Variants in GABRB2 observed in about 807,000 individuals in gnomAD.
GABRB2 encodes the protein gamma-aminobutyric acid type A receptor subunit beta2.
In GABRB2, 16 loss-of-function variants were observed where a neutral mutation model predicts 54.7. That is an observed-to-expected ratio of 0.29 (90% confidence interval 0.20 to 0.44). GABRB2 has a LOEUF of 0.44. GABRB2 is among the 20% of genes least tolerant of loss of function. GABRB2 has a pLI of 1.00. For missense variants in GABRB2, 355 were observed against 644.0 expected, an observed-to-expected ratio of 0.55 and a Z score of 4.86; for synonymous variants, 244 against 233.8, an observed-to-expected ratio of 1.04 and a Z score of -0.40.
chr5:161,294,186 G>A lies in GABRB2; in HGVS notation c.1434C>T (p.Ile478=), dbSNP rs754964208. ...RRRASQLKIT[I]PDLTDVNAID... is the part of the protein sequence containing the mutation. ...TGGCATTCACATCAGTCAAGTCAGG[G>A]ATGGTGATTTTCAGTTGGGAGGCGC... Residue 478 remains isoleucine, a synonymous_variant, in exon 10 of 10, where the codon ATC becomes ATT. Coordinates refer to ENST00000393959, the MANE Select transcript of GABRB2 (RefSeq NM_001371727.1). The A allele has an allele frequency of 2.2e-5, 36 of 1,614,042 alleles. No homozygotes were observed. The highest frequency in any genetic ancestry group is 2.9e-5 in the Non-Finnish European group (34 of 1,180,012).
At position 161,288,654 on chromosome 5, in the gene GABRB2, CTG is replaced by C. The variant is rs1757150592; in HGVS notation, c.*5425_*5426del. 6.6e-6 allele frequency: 1 copy of C among 152,364 alleles called. No individual in the cohort carries two copies. The highest frequency in any genetic ancestry group is 6.6e-5 in the Admixed American group (1 of 15,244). The allele number at this position is 152,364 out of a possible 1,614,324, so 9.4% of individuals were successfully genotyped here. ...ATGAAAATAGATGCAATGATATCCA[CTG>C]TGTTTTGCATTTTTCTAGCCATCGG... is the stretch of plus-strand genomic sequence containing the variant. On this transcript the variant is annotated 3_prime_UTR_variant, in exon 10 of 10. Coordinates refer to ENST00000393959, the MANE Select transcript of GABRB2 (RefSeq NM_001371727.1).
At chr5:161,348,226 A>T (rs1208500734) in intron 5 of GABRB2, among the ~76,000 whole-genome samples, 1 of 152,128 alleles carries the variant, frequency 6.6e-6, no homozygotes, top group Non-Finnish European at 1.5e-5. Context: ...GTTAGGAATT[A>T]AAACATAAAT....
intron 3 of GABRB2, among the ~76,000 whole-genome samples, chr5:161,510,941 T>A (rs1263244404): frequency 2.6e-5 from 4 of 151,946 alleles, no homozygotes; most frequent in Non-Finnish European, 5.9e-5. Context: ...ATAATCACAT[T>A]CTTTCTATAT....
At chr5:161,495,105 A>C (rs1337195383) in intron 3 of GABRB2, among the ~76,000 whole-genome samples, 1 of 152,034 alleles carries the variant, frequency 6.6e-6, no homozygotes, top group Non-Finnish European at 1.5e-5. Flanking sequence ...ATTAACATCC[A>C]GCTATTCCCA....
intron 8 of GABRB2, chr5:161,329,525 AT>A (rs1753771150): frequency 6.6e-6 from 1 of 152,198 alleles, no homozygotes; most frequent in Admixed American, 6.5e-5. Context: ...CTAAAACCAA[AT>A]ATTAGACCTA....
chr5:161,428,667 T>G (rs1360832039), intron 4 of GABRB2, among the ~76,000 whole-genome samples: 1 of 152,172 alleles, frequency 6.6e-6, no homozygotes, highest in Non-Finnish European at 1.5e-5. Context: ...TATTAATCTA[T>G]TCATAGATAG....
chr5:161,464,689 C>G (rs1416767573), intron 3 of GABRB2, among the ~76,000 whole-genome samples: 2 of 152,036 alleles, frequency 1.3e-5, no homozygotes, highest in East Asian at 3.9e-4. Flanking sequence ...GAATGCATCC[C>G]TGAAACAGAA....
At chr5:161,531,710 C>A (rs1760468761) in intron 3 of GABRB2, among the ~76,000 whole-genome samples, 1 of 151,586 alleles carries the variant, frequency 6.6e-6, no homozygotes, top group Admixed American at 6.6e-5. Context: ...TTATTAATCA[C>A]TATATTTTTT....
intron 5 of GABRB2, among the ~76,000 whole-genome samples, chr5:161,402,629 G>A (rs1756230119): frequency 6.6e-6 from 1 of 152,160 alleles, no homozygotes; most frequent in Non-Finnish European, 1.5e-5. Context: ...CAGGGCTAAG[G>A]AGAGAGCCGA....
At chr5:161,327,807 A>G (rs1387781657) in intron 8 of GABRB2, among the ~76,000 whole-genome samples, 1 of 152,154 alleles carries the variant, frequency 6.6e-6, no homozygotes, top group Non-Finnish European at 1.5e-5. Flanking sequence ...TGATTTTCCC[A>G]GAGCAGCCAA....
chr5:161,377,298 G>A (rs1755335104), intron 5 of GABRB2, among the ~76,000 whole-genome samples: 1 of 151,984 alleles, frequency 6.6e-6, no homozygotes, highest in Non-Finnish European at 1.5e-5. Context: ...TGAAGGAACA[G>A]GGCCTCTGTA....
At chr5:161,425,675 A>G (rs1049576901) in intron 4 of GABRB2, among the ~76,000 whole-genome samples, 1 of 152,082 alleles carries the variant, frequency 6.6e-6, no homozygotes, top group African/African-American at 2.4e-5. Flanking sequence ...AAAACCTGCA[A>G]TATCTCTGAG....
At chr5:161,493,544 T>C (rs1759138996) in intron 3 of GABRB2, among the ~76,000 whole-genome samples, 1 of 151,756 alleles carries the variant, frequency 6.6e-6, no homozygotes, top group South Asian at 2.1e-4. Context: ...TGAGAGATTC[T>C]GTTTAAAAAA....
At chr5:161,510,216 T>C (rs968269603) in intron 3 of GABRB2, among the ~76,000 whole-genome samples, 1 of 151,830 alleles carries the variant, frequency 6.6e-6, no homozygotes, top group East Asian at 1.9e-4. Context: ...GTATGTCTTA[T>C]TCATTCTTCT....
chr5:161,546,539 G>C (rs1760990876), intron 1 of GABRB2, 28 bp downstream of exon 1: 6 of 1,585,682 alleles, frequency 3.8e-6, no homozygotes, highest in Non-Finnish European at 5.2e-6. Flanking sequence ...AAGTGAGAAC[G>C]GAAAAGAGAA....
At chr5:161,502,048 T>C (rs1759460480) in intron 3 of GABRB2, among the ~76,000 whole-genome samples, 1 of 149,642 alleles carries the variant, frequency 6.7e-6, no homozygotes, top group East Asian at 1.9e-4. Flanking sequence ...AAAAATTTTA[T>C]ATATTTAAGG....
intron 4 of GABRB2, among the ~76,000 whole-genome samples, chr5:161,417,802 G>C (rs578194505): frequency 6.6e-6 from 1 of 151,916 alleles, no homozygotes; most frequent in Non-Finnish European, 1.5e-5. Flanking sequence ...AGCATTCCTC[G>C]CCATTCTATC....
chr5:161,347,369 A>T (rs938431736), intron 5 of GABRB2, among the ~76,000 whole-genome samples: 3 of 152,136 alleles, frequency 2.0e-5, no homozygotes, highest in Middle Eastern at 3.2e-3. Flanking sequence ...ACTATTATTC[A>T]AAGCCATATT....
At chr5:161,486,656 A>G (rs1758933344) in intron 3 of GABRB2, among the ~76,000 whole-genome samples, 1 of 151,520 alleles carries the variant, frequency 6.6e-6, no homozygotes, top group African/African-American at 2.4e-5. Context: ...AAATTTATTC[A>G]TCATCTCGGT....
Sources: gnomAD v4.1 joint callset for allele counts (sites outside exome capture counted in the v4.1 genomes callset) on GRCh38, gnomAD v4.1.1 for gene constraint, MANE v1.5 for transcripts, NCBI Gene and HGNC (gene_info 2026-07-23, HGNC 2026-07-21) for gene names.